Variants in NRL observed in about 807,000 individuals in gnomAD.
NRL encodes the protein neural retina leucine zipper, also known as neural retina-specific leucine zipper protein.
Under a neutral mutation model 12.5 loss-of-function variants are expected in NRL, and 16 were observed. The observed-to-expected ratio is 1.28, with a 90% CI of 0.87 to 1.95. NRL has a LOEUF of 1.95. NRL is among the 30% of genes most tolerant of loss of function. The pLI, the probability that NRL is intolerant of heterozygous loss-of-function variation, is 0.00. For synonymous variants in NRL, 142 were observed against 150.9 expected (o/e 0.94, Z 0.43); for missense variants, 314 against 325.8 (o/e 0.96, Z 0.28).
In NRL at chr14:24,086,360, G is replaced by A. The variant is rs1008396883; in HGVS notation, c.-27-3485C>T. On this transcript the variant is annotated intron_variant, in intron 1 of 2. Coordinates refer to ENST00000561028, the MANE Select transcript of NRL (RefSeq NM_001354768.3). ...TACCATGCTTTCCATACACATATTG[G>A]AAAACCTAGATCAGATGACATCACT... 2.0e-4 allele frequency among the ~76,000 whole-genome samples: 31 copies of A among 152,292 alleles called. 1 individual carries two copies. The highest frequency in any genetic ancestry group is 6.3e-4 in the African/African-American group (26 of 41,544).
intron 1 of NRL, among the ~76,000 whole-genome samples, chr14:24,106,122 GGA>G (rs1418516931): frequency 6.6e-6 from 1 of 152,142 alleles, no homozygotes; most frequent in Non-Finnish European, 1.5e-5. Flanking sequence ...AATAAACTTT[GGA>G]GAGTAATCAG....
At chr14:24,099,936 G>A in intron 1 of NRL, 3 of 1,613,750 alleles carry the variant, frequency 1.9e-6, no homozygotes, top group Non-Finnish European at 2.5e-6. Context: ...GACCTTCTTT[G>A]GTCTTACATC....
In NRL at chr14:24,081,775, C is replaced by G. The variant is rs1448965959; in HGVS notation, c.382-207G>C. Reference sequence around the variant, plus strand: ...CCGGGCCCCCCAGCTGACCGTTGCTCCAGTCAGGCGGGCGCCCCACGGTGC... The same window carrying G: ...CCGGGCCCCCCAGCTGACCGTTGCTGCAGTCAGGCGGGCGCCCCACGGTGC... On this transcript the variant is annotated intron_variant, in intron 2 of 2. Transcript: ENST00000561028. This position sits in a 1 kb window ranked among gnomAD's most constrained non-coding sequence, Gnocchi z 4.4. 19 of 1,515,358 alleles carry G rather than the reference C, an allele frequency of 1.3e-5. No individual in the cohort carries two copies. Among genetic ancestry groups the G allele is most frequent in the African/African-American group, 9.7e-5 (7 of 72,086 alleles). 93.9% of individuals were successfully genotyped at this position (1,515,358 alleles called of 1,614,324 possible).
At chr14:24,111,130 G>T (rs1232644069) in intron 1 of NRL, among the ~76,000 whole-genome samples, 2 of 151,980 alleles carry the variant, frequency 1.3e-5, no homozygotes, top group Admixed American at 1.3e-4. Context: ...ATAGGCACGC[G>T]CCACGATGGC....
intron 1 of NRL, among the ~76,000 whole-genome samples, chr14:24,106,333 C>A (rs572433398): frequency 1.3e-5 from 2 of 152,144 alleles, no homozygotes; most frequent in Non-Finnish European, 2.9e-5. Flanking sequence ...AGAGGAAACA[C>A]CAAGTGTTCT....
intron 1 of NRL, among the ~76,000 whole-genome samples, chr14:24,096,607 G>A (rs2036896772): frequency 6.6e-6 from 1 of 152,124 alleles, no homozygotes; most frequent in Non-Finnish European, 1.5e-5. Flanking sequence ...AGTAACATCA[G>A]CATGCCTACA....
In NRL at chr14:24,081,580, G is replaced by A. The variant is rs2036303195; in HGVS notation, c.382-12C>T. 6.3e-7 allele frequency: 1 copy of A among 1,585,688 alleles called. No individual in the cohort carries two copies. The highest frequency in any genetic ancestry group is 1.1e-5 in the South Asian group (1 of 87,026). ...AACCGCTCTGCCAGCTGCGGAGGGA[G>A]AATGCAGAAACCGGGTCAGCGCCAG... On this transcript the variant is annotated splice_polypyrimidine_tract_variant and intron_variant, in intron 2 of 2. Coordinates refer to ENST00000561028, the MANE Select transcript of NRL (RefSeq NM_001354768.3). This position sits in a 1 kb window ranked among gnomAD's most constrained non-coding sequence, Gnocchi z 4.4.
Position 24,089,083 on chromosome 14 carries a change from C to T in NRL, c.-27-6208G>A, listed in dbSNP as rs940984210. ...CCTCCCAAAGTGCTGGGATTACAGG[C>T]GTGAGCCACTGCGCCTGGCCTAATT... On this transcript the variant is annotated intron_variant, in intron 1 of 2. Transcript: ENST00000561028. Among the ~76,000 whole-genome samples, 33 of 151,704 alleles carry T rather than the reference C, an allele frequency of 2.2e-4. 1 individual carries two copies. Among genetic ancestry groups the T allele is most frequent in the African/African-American group, 6.3e-4 (26 of 41,360 alleles).
In NRL at chr14:24,094,516, C is replaced by A; in HGVS notation, c.-27-11641G>T. ...GGGCTGCCAGTGGCGCTCTCCTGCT[C>A]TCAGCCTCCGCCAGGTTTCCCATCC... On this transcript the variant is annotated intron_variant, in intron 1 of 2. Coordinates refer to ENST00000561028, the MANE Select transcript of NRL (RefSeq NM_001354768.3). The surrounding 1 kb of genome is among the most constrained non-coding windows in gnomAD (Gnocchi z 4.1). The A allele has an allele frequency of 6.9e-7, 1 of 1,455,268 alleles. No individual in the cohort carries two copies. The highest frequency in any genetic ancestry group is 1.4e-5 in the South Asian group (1 of 71,244). 90.1% of individuals were successfully genotyped at this position (1,455,268 alleles called of 1,614,324 possible).
intron 1 of NRL, chr14:24,099,133 G>T (rs2037038004): frequency 6.2e-7 from 1 of 1,612,166 alleles, no homozygotes. Flanking sequence ...ATCTCCTTCG[G>T]CAGCGGCTAT....
At chr14:24,108,285 C>A (rs969886880) in intron 1 of NRL, among the ~76,000 whole-genome samples, 2 of 152,098 alleles carry the variant, frequency 1.3e-5, no homozygotes, top group African/African-American at 2.4e-5. Flanking sequence ...TGGTGGATAG[C>A]GACAGAAGAT....
Position 24,094,452 on chromosome 14 carries a change from C to T in NRL, c.-27-11577G>A, listed in dbSNP as rs1429837610. On this transcript the variant is annotated intron_variant, in intron 1 of 2. Transcript: ENST00000561028. The surrounding 1 kb of genome is among the most constrained non-coding windows in gnomAD (Gnocchi z 4.1). ...GGCCTGCGGTGAGTGACCCCCGGCC[C>T]GGGGCCCACCCGCACCTTCCGCTGC... The T allele has an allele frequency of 3.9e-6, 6 of 1,532,374 alleles. No individual in the cohort carries two copies. The Admixed American group carries it at 6.4e-5, about 16-fold the overall frequency. The allele number at this position is 1,532,374 out of a possible 1,614,324, so 94.9% of individuals were successfully genotyped here. A position where few individuals can be genotyped will look rare whatever the true frequency, so the allele number is the denominator to read the frequency against.
At chr14:24,098,545 GCTCA>G (rs2037006192) in intron 1 of NRL, 1 of 1,614,080 alleles carries the variant, frequency 6.2e-7, no homozygotes, top group African/African-American at 1.3e-5. Flanking sequence ...TCGGGGTGCA[GCTCA>G]CTGACTCAGC....
chr14:24,098,273 C>A (rs756405454), intron 1 of NRL: 1 of 1,614,072 alleles, frequency 6.2e-7, no homozygotes, highest in South Asian at 1.1e-5. Flanking sequence ...AACTCCTTCT[C>A]AGCGGGACAC....
chr14:24,098,315 C>A, intron 1 of NRL: 1 of 1,614,088 alleles, frequency 6.2e-7, no homozygotes, highest in Non-Finnish European at 8.5e-7. Flanking sequence ...GGCCCGTGGG[C>A]AGCTGGGCAA....
Position 24,094,434 on chromosome 14 carries a change from G to A in NRL, c.-27-11559C>T, listed in dbSNP as rs1191182273. The A allele has an allele frequency of 3.9e-6, 6 of 1,548,564 alleles. No individual in the cohort carries two copies. The highest frequency in any genetic ancestry group is 1.8e-4 in the Middle Eastern group (1 of 5,602). On this transcript the variant is annotated intron_variant, in intron 1 of 2. Transcript: ENST00000561028. The surrounding 1 kb of genome is among the most constrained non-coding windows in gnomAD (Gnocchi z 4.1). The stretch of plus-strand genomic sequence containing the variant: ...GCCGCATTGTACCGCCCTGGCCTGC[G>A]GTGAGTGACCCCCGGCCCGGGGCCC...
chr14:24,099,578 T>C, intron 1 of NRL: 1 of 1,603,246 alleles, frequency 6.2e-7, no homozygotes, highest in Non-Finnish European at 8.5e-7. Flanking sequence ...TCACCAGCCC[T>C]GCAGGGAAGA....
At position 24,082,732 on chromosome 14, in the gene NRL, C is replaced by T; in HGVS notation, c.117G>A (p.Leu39=). 1.2e-6 allele frequency: 2 copies of T among 1,614,190 alleles called. No homozygotes were observed. The highest frequency in any genetic ancestry group is 8.5e-7 in the Non-Finnish European group (1 of 1,180,038). ...EGRPGPPTAS[L]GSTPYSSVPP... is the part of the protein sequence containing the mutation. ...GCACTGAGCTGTAAGGTGTGGAGCC[C>T]AGTGAGGCTGTAGGGGGGCCAGGTC... is the stretch of plus-strand genomic sequence containing the variant. Residue 39 remains leucine (L), a synonymous_variant, in exon 2 of 3, where the codon CTG becomes CTA. Transcript: ENST00000561028.
In NRL at chr14:24,081,550, C is replaced by T; in HGVS notation, c.400G>A (p.Asp134Asn). 1.9e-6 allele frequency: 3 copies of T among 1,600,940 alleles called. No individual in the cohort carries two copies. The highest frequency in any genetic ancestry group is 2.6e-6 in the Non-Finnish European group (3 of 1,175,238). The change falls in exon 3 of 3, where the codon GAC becomes AAC. Residue 134 changes from aspartate (D) to asparagine (N), a missense_variant. Coordinates refer to ENST00000561028, the MANE Select transcript of NRL (RefSeq NM_001354768.3). This position sits in a 1 kb window ranked among gnomAD's most constrained non-coding sequence, Gnocchi z 4.4. ...ACAGACATCGAGACCAGCGCCGCGT[C>T]GGAAAACCGCTCTGCCAGCTGCGGA... ...QHVQLAERFS[D>N]AALVSMSVRE...
Sources: gnomAD v4.1 joint callset for allele counts (sites outside exome capture counted in the v4.1 genomes callset) on GRCh38, gnomAD v4.1.1 for gene constraint, Gnocchi (gnomAD v3.1) non-coding constraint, MANE v1.5 for transcripts, NCBI Gene and HGNC (gene_info 2026-07-23, HGNC 2026-07-21) for gene names.